The following PHF21A variants were observed in gnomAD, a reference collection of about 807,000 sequenced individuals.
The protein encoded by PHF21A is PHD finger protein 21A, also known as BHC80a.
PHF21A carries 11 observed loss-of-function variants against 82.5 expected under a neutral mutation model. That is an observed-to-expected ratio of 0.13 (90% CI 0.08 to 0.22). PHF21A has a LOEUF of 0.22. Among genes scored for constraint, PHF21A ranks in the 10% least tolerant of loss-of-function variants. The pLI, the probability that PHF21A is intolerant of heterozygous loss-of-function variation, is 1.00. For missense variants in PHF21A, 579 were observed against 837.8 expected (o/e 0.69, Z 3.81); for synonymous variants, 297 against 302.8 (o/e 0.98, Z 0.20).
chr11:45,947,251 C>T (rs1048883910), intron 14 of PHF21A, among the ~76,000 whole-genome samples: 10 of 152,046 alleles, frequency 6.6e-5, no homozygotes, highest in African/African-American at 2.4e-4. Flanking sequence ...CCCTTGTCTT[C>T]TAGGGGCAAG....
chr11:46,107,397 C>T (rs1244824541), intron 1 of PHF21A, among the ~76,000 whole-genome samples: 1 of 152,166 alleles, frequency 6.6e-6, no homozygotes, highest in Non-Finnish European at 1.5e-5. Flanking sequence ...GAATAAAATA[C>T]TCTGTAGGAC....
At chr11:46,107,918 A>G (rs2097169502) in intron 1 of PHF21A, among the ~76,000 whole-genome samples, 1 of 152,112 alleles carries the variant, frequency 6.6e-6, no homozygotes, top group Non-Finnish European at 1.5e-5. Context: ...TTGAGTGAGT[A>G]GGGATAGGTG....
chr11:46,085,639 C>A (rs1237486356), intron 3 of PHF21A, among the ~76,000 whole-genome samples: 1 of 152,064 alleles, frequency 6.6e-6, no homozygotes, highest in Non-Finnish European at 1.5e-5. Flanking sequence ...GGGAATGGAA[C>A]AATCAGGAAG....
intron 7 of PHF21A, among the ~76,000 whole-genome samples, chr11:45,978,785 T>C (rs1206132335): frequency 5.3e-5 from 8 of 152,190 alleles, no homozygotes; most frequent in Non-Finnish European, 1.2e-4. Context: ...TACGCCCTTT[T>C]TGTGTATCTT....
chr11:46,112,028 A>G (rs2097220265), intron 1 of PHF21A, among the ~76,000 whole-genome samples: 1 of 152,260 alleles, frequency 6.6e-6, no homozygotes, highest in Non-Finnish European at 1.5e-5. Flanking sequence ...ATTGTAAACA[A>G]TAAATTTTCA....
At chr11:46,106,557 A>G (rs1197814371) in intron 1 of PHF21A, among the ~76,000 whole-genome samples, 1 of 152,216 alleles carries the variant, frequency 6.6e-6, no homozygotes, top group East Asian at 1.9e-4. Context: ...GGTCTTCGAG[A>G]TATGATGATT....
intron 6 of PHF21A, among the ~76,000 whole-genome samples, chr11:45,980,306 C>T (rs537394968): frequency 3.3e-5 from 5 of 152,302 alleles, no homozygotes; most frequent in Middle Eastern, 3.4e-3. Flanking sequence ...ACTCTGGAGC[C>T]ATCCTACTTC....
intron 1 of PHF21A, among the ~76,000 whole-genome samples, chr11:46,100,043 A>G (rs1332400313): frequency 6.6e-6 from 1 of 152,242 alleles, no homozygotes; most frequent in Non-Finnish European, 1.5e-5. Context: ...AAGTGGAAAC[A>G]GCTACAATAC....
intron 9 of PHF21A, among the ~76,000 whole-genome samples, chr11:45,968,796 G>C (rs1263449886): frequency 6.6e-6 from 1 of 151,992 alleles, no homozygotes; most frequent in Non-Finnish European, 1.5e-5. Context: ...CGGGCGTGGT[G>C]GCACATGCAT....
At chr11:46,068,079 A>T (rs1184051923) in intron 6 of PHF21A, among the ~76,000 whole-genome samples, 1 of 152,210 alleles carries the variant, frequency 6.6e-6, no homozygotes, top group Admixed American at 6.5e-5. Flanking sequence ...GAGCCCAGGG[A>T]GTAAAGGTGA....
chr11:46,091,821 G>C (rs1348503273), intron 2 of PHF21A, among the ~76,000 whole-genome samples: 1 of 87,802 alleles, frequency 1.1e-5, no homozygotes, highest in African/African-American at 4.7e-5. Context: ...CTAAGTAACT[G>C]GAGCTATAGG....
At chr11:45,993,801 A>G (rs2094802795) in intron 6 of PHF21A, among the ~76,000 whole-genome samples, 1 of 151,794 alleles carries the variant, frequency 6.6e-6, no homozygotes, top group South Asian at 2.1e-4. Flanking sequence ...CAGTGGATGC[A>G]GTGATGCTGG....
In PHF21A at chr11:45,933,801, A is replaced by G. The variant is rs996803030; in HGVS notation, c.*167T>C. 1.7e-6 allele frequency: 1 copy of G among 587,456 alleles called. No homozygotes were observed. The highest frequency in any genetic ancestry group is 2.9e-6 in the Non-Finnish European group (1 of 348,016). The allele number at this position is 587,456 out of a possible 1,614,324, so 36.4% of individuals were successfully genotyped here. On this transcript the variant is annotated 3_prime_UTR_variant, in exon 19 of 19. Transcript: ENST00000676320. ...TGTACACACAGAATAAGAAGGATCA[A>G]TTGGCAAACTCTGGTGCCACCTGGC...
intron 9 of PHF21A, among the ~76,000 whole-genome samples, chr11:45,969,501 A>G (rs868688222): frequency 3.9e-5 from 6 of 152,356 alleles, no homozygotes; most frequent in Middle Eastern, 6.8e-3. Flanking sequence ...TGTTAATTGC[A>G]TTCTTTCCCC....
chr11:45,938,834 ATTC>A (rs938470326), intron 15 of PHF21A, among the ~76,000 whole-genome samples: 14 of 151,256 alleles, frequency 9.3e-5, no homozygotes, highest in Non-Finnish European at 2.9e-5. Context: ...AGACTAGTGT[ATTC>A]TTTTTTTTTT....
intron 7 of PHF21A, among the ~76,000 whole-genome samples, chr11:45,973,751 G>A (rs999385285): frequency 6.6e-6 from 1 of 152,106 alleles, no homozygotes; most frequent in Non-Finnish European, 1.5e-5. Flanking sequence ...AAAACATGTC[G>A]ATTTAAAGAA....
chr11:46,118,973 C>A (rs912905724), intron 1 of PHF21A, among the ~76,000 whole-genome samples: 3 of 151,984 alleles, frequency 2.0e-5, no homozygotes, highest in Non-Finnish European at 2.9e-5. Context: ...ATTTCAGTAC[C>A]CTTACCAGGC....
chr11:46,013,264 A>G (rs758721117), intron 6 of PHF21A, among the ~76,000 whole-genome samples: 3 of 152,160 alleles, frequency 2.0e-5, no homozygotes, highest in Non-Finnish European at 4.4e-5. Flanking sequence ...ATAATCCATA[A>G]GTTTTAAACT....
At chr11:45,967,341 C>G (rs1351865753) in intron 9 of PHF21A, among the ~76,000 whole-genome samples, 1 of 150,918 alleles carries the variant, frequency 6.6e-6, no homozygotes, top group Non-Finnish European at 1.5e-5. Flanking sequence ...GCACTCCAGC[C>G]TGGGTGATAG....
Sources: allele counts gnomAD v4.1 joint callset (sites outside exome capture counted in the v4.1 genomes callset), GRCh38; gene constraint gnomAD v4.1.1; transcripts MANE v1.5; gene names NCBI Gene and HGNC (gene_info 2026-07-23, HGNC 2026-07-21).